SHANK2: variants seen among roughly 807,000 people sequenced by gnomAD.
SHANK2 encodes the protein SH3 and multiple ankyrin repeat domains protein 2.
In SHANK2, 43 loss-of-function variants were observed where a neutral mutation model predicts 133.7. The observed-to-expected ratio is 0.32, with a 90% confidence interval of 0.25 to 0.41. The LOEUF (loss-of-function observed/expected upper bound fraction) is 0.41. Ranked by LOEUF, SHANK2 falls within the 10% of genes least tolerant of loss-of-function variation. The pLI, the probability that SHANK2 is intolerant of heterozygous loss-of-function variation, is 1.00. For synonymous variants in SHANK2, 1,017 were observed against 952.8 expected, an observed-to-expected ratio of 1.07 and a Z score of -1.24; for missense variants, 1,994 against 2,235.8, an observed-to-expected ratio of 0.89 and a Z score of 2.18.
intron 14 of SHANK2, among the ~76,000 whole-genome samples, chr11:70,783,885 G>A (rs1947573158): frequency 6.6e-6 from 1 of 152,224 alleles, no homozygotes; most frequent in Non-Finnish European, 1.5e-5. Flanking sequence ...AGGAGTGAAG[G>A]GGGACTGCTG....
At chr11:71,068,794 G>T (rs911254430) in intron 9 of SHANK2, among the ~76,000 whole-genome samples, 2 of 152,080 alleles carry the variant, frequency 1.3e-5, no homozygotes, top group Non-Finnish European at 2.9e-5. Flanking sequence ...CTGCTGCACT[G>T]CCATCACCAT....
intron 14 of SHANK2, among the ~76,000 whole-genome samples, chr11:70,721,166 TC>T (rs1374354089): frequency 4.6e-5 from 7 of 152,186 alleles, no homozygotes; most frequent in Admixed American, 4.6e-4. Context: ...GACAAAGGTC[TC>T]CCTGGCACGC....
rs190786249 is a variant in SHANK2 at position 70,535,487 on chromosome 11, C to T, written c.2062-32556G>A. Among the ~76,000 whole-genome samples, 4 of 152,140 alleles carry T rather than the reference C, an allele frequency of 2.6e-5. No homozygotes were observed. The highest frequency in any genetic ancestry group is 1.9e-4 in the East Asian group (1 of 5,180). On this transcript the variant is annotated intron_variant, in intron 17 of 25. Coordinates refer to ENST00000601538, the MANE Select transcript of SHANK2 (RefSeq NM_012309.5). This position sits in a 1 kb window ranked among gnomAD's most constrained non-coding sequence, Gnocchi z 4.3. Reference sequence around the variant, plus strand: ...CCGTCCGTCCATCCATCCATCCATCCATCCATCCGTCCGTCCGTCCATCTA... The same window carrying T: ...CCGTCCGTCCATCCATCCATCCATCTATCCATCCGTCCGTCCGTCCATCTA...
intron 11 of SHANK2, among the ~76,000 whole-genome samples, chr11:70,874,333 CATG>C (rs1949521577): frequency 2.6e-5 from 4 of 151,888 alleles, no homozygotes; most frequent in African/African-American, 9.7e-5. Context: ...TCTATCTATC[CATG>C]ATTTATCTAT....
intron 21 of SHANK2, among the ~76,000 whole-genome samples, chr11:70,493,122 A>T (rs1256874397): frequency 6.8e-6 from 1 of 147,682 alleles, no homozygotes; most frequent in African/African-American, 2.5e-5. Flanking sequence ...TTCTAATGGG[A>T]TTTATTCTTG....
intron 17 of SHANK2, among the ~76,000 whole-genome samples, chr11:70,617,639 C>T (rs1370940930): frequency 2.6e-5 from 4 of 152,140 alleles, no homozygotes; most frequent in Non-Finnish European, 2.9e-5. Flanking sequence ...TCAGAGTTAA[C>T]GGGAGAAGAA....
At chr11:71,124,587 G>A (rs1952147439) in intron 3 of SHANK2, among the ~76,000 whole-genome samples, 1 of 151,944 alleles carries the variant, frequency 6.6e-6, no homozygotes, top group African/African-American at 2.4e-5. Context: ...AGATAAAGAA[G>A]CTGAGCCTCA....
rs561458194 is a variant in SHANK2, at chr11:70,500,815, C to T, written c.2288-225G>A. 54 of 722,228 alleles carry T rather than the reference C, an allele frequency of 7.5e-5. No individual in the cohort carries two copies. The highest frequency in any genetic ancestry group is 2.3e-4 in the Middle Eastern group (1 of 4,374). The allele number at this position is 722,228 out of a possible 1,614,324, so 44.7% of individuals were successfully genotyped here. Reference sequence around the variant, plus strand: ...ACAACTCTGTCCTGTCTGCCCTGCTCGTTAACCTACTGCCTGGCAGTGGAA... The same window carrying T: ...ACAACTCTGTCCTGTCTGCCCTGCTTGTTAACCTACTGCCTGGCAGTGGAA... On this transcript the variant is annotated intron_variant, in intron 20 of 25. Transcript: ENST00000601538. The surrounding 1 kb of genome is among the most constrained non-coding windows in gnomAD (Gnocchi z 4.5).
intron 2 of SHANK2, among the ~76,000 whole-genome samples, chr11:71,150,785 G>A (rs1205503595): frequency 5.9e-5 from 9 of 151,976 alleles, no homozygotes; most frequent in Non-Finnish European, 1.2e-4. Context: ...AGTGGGTGGG[G>A]GCAGGAACTT....
At chr11:70,932,196 T>A (rs1441455503) in intron 10 of SHANK2, among the ~76,000 whole-genome samples, 7 of 152,194 alleles carry the variant, frequency 4.6e-5, no homozygotes, top group African/African-American at 1.7e-4. Context: ...AATCCACCCC[T>A]TGGGGAAATC....
chr11:70,542,916 C>G (rs1176114863), intron 17 of SHANK2, among the ~76,000 whole-genome samples: 1 of 152,302 alleles, frequency 6.6e-6, no homozygotes, highest in South Asian at 2.1e-4. Flanking sequence ...GACTGTCCCC[C>G]CATCTGGAGA....
intron 17 of SHANK2, among the ~76,000 whole-genome samples, chr11:70,591,355 CAAAAAG>C (rs145230441): frequency 0.28 from 39,874 of 141,048 alleles, 5,638 homozygotes; most frequent in African/African-American, 0.37. Context: ...CTGTCTCAAA[CAAAAAG>C]AAAAAGAAAA....
At position 70,487,230 on chromosome 11, in the gene SHANK2, G is replaced by A. The variant is rs2058823061; in HGVS notation, c.3063C>T (p.Asp1021=). Residue 1021 remains aspartate (D), a synonymous_variant, in exon 25 of 26, where the codon GAC becomes GAT. Coordinates refer to ENST00000601538, the MANE Select transcript of SHANK2 (RefSeq NM_012309.5). This position sits in a 1 kb window ranked among gnomAD's most constrained non-coding sequence, Gnocchi z 5.8. ...GGATGGAGCACGTCTTCTCGGGGCT[G>A]TCCTCCACGTTGGACTGCTTCACCA... ...GMLVKQSNVE[D]SPEKTCSIPI... The A allele has an allele frequency of 6.2e-7, 1 of 1,614,178 alleles. No individual in the cohort carries two copies. Among genetic ancestry groups the A allele is most frequent in the Middle Eastern group, 1.6e-4 (1 of 6,062 alleles).
intron 14 of SHANK2, among the ~76,000 whole-genome samples, chr11:70,783,016 G>T (rs1555045556): frequency 6.6e-6 from 1 of 152,114 alleles, no homozygotes; most frequent in South Asian, 2.1e-4. Flanking sequence ...CCCCAAGATG[G>T]GATTCCTGCC....
At chr11:71,082,704 C>T (rs1483502919) in intron 8 of SHANK2, among the ~76,000 whole-genome samples, 3 of 152,198 alleles carry the variant, frequency 2.0e-5, no homozygotes, top group Admixed American at 6.5e-5. Flanking sequence ...TGAGGGCATC[C>T]GGCCAGGGAT....
At chr11:70,751,227 G>A (rs544042246) in intron 14 of SHANK2, among the ~76,000 whole-genome samples, 18 of 152,206 alleles carry the variant, frequency 1.2e-4, no homozygotes, top group Admixed American at 9.2e-4. Flanking sequence ...TCCCAGACAC[G>A]TCCAAATCAA....
chr11:71,124,047 G>A (rs1328677712), intron 3 of SHANK2, among the ~76,000 whole-genome samples: 1 of 138,244 alleles, frequency 7.2e-6, no homozygotes, highest in Admixed American at 7.4e-5. Context: ...AGTGGTGGCA[G>A]TGATGGTGGT....
intron 11 of SHANK2, among the ~76,000 whole-genome samples, chr11:70,890,258 C>A (rs1341703666): frequency 6.6e-6 from 1 of 152,054 alleles, no homozygotes; most frequent in African/African-American, 2.4e-5. Flanking sequence ...AATGCCAACA[C>A]TTTGGGAGGC....
intron 3 of SHANK2, among the ~76,000 whole-genome samples, chr11:71,119,966 C>T (rs1353407694): frequency 5.3e-5 from 8 of 152,214 alleles, no homozygotes; most frequent in African/African-American, 1.9e-4. Context: ...TACGCTGACT[C>T]TGAACACAAA....
Sources: gnomAD v4.1 joint callset for allele counts (sites outside exome capture counted in the v4.1 genomes callset) on GRCh38, gnomAD v4.1.1 for gene constraint, Gnocchi (gnomAD v3.1) non-coding constraint, MANE v1.5 for transcripts, NCBI Gene and HGNC (gene_info 2026-07-23, HGNC 2026-07-21) for gene names.